The following LEF1 variants were observed in gnomAD, a reference collection of about 807,000 sequenced individuals.
LEF1 encodes the protein lymphoid enhancer binding factor 1, also known as lymphoid enhancer-binding factor 1.
Under a neutral mutation model 51.2 loss-of-function variants are expected in LEF1, and 14 were observed. That is an observed-to-expected ratio of 0.27 (90% CI 0.18 to 0.43). The LOEUF is 0.43. Ranked by LOEUF, LEF1 falls within the 20% of genes least tolerant of loss-of-function variation. The pLI is 1.00. For missense variants in LEF1, 386 were observed against 512.0 expected (o/e 0.75, Z 2.37); for synonymous variants, 185 against 183.2 (o/e 1.01, Z -0.08).
intron 3 of LEF1, among the ~76,000 whole-genome samples, chr4:108,107,507 A>T (rs1192861956): frequency 1.3e-5 from 2 of 150,826 alleles, no homozygotes; most frequent in Non-Finnish European, 2.9e-5. Context: ...GGCTTATTTT[A>T]TTTTTTTTAA....
chr4:108,070,579 T>A, intron 9 of LEF1, 84 bp downstream of exon 9: 1 of 862,732 alleles, frequency 1.2e-6, no homozygotes, highest in Non-Finnish European at 1.9e-6. Context: ...CAGCATTATA[T>A]ACACCTAAAA....
At chr4:108,088,113 T>C (rs1165697478) in intron 4 of LEF1, among the ~76,000 whole-genome samples, 1 of 152,222 alleles carries the variant, frequency 6.6e-6, no homozygotes, top group Non-Finnish European at 1.5e-5. Context: ...ATAAGCATTC[T>C]GTTTTAACAA....
At chr4:108,110,761 T>A (rs1741482683) in intron 3 of LEF1, among the ~76,000 whole-genome samples, 1 of 152,148 alleles carries the variant, frequency 6.6e-6, no homozygotes, top group African/African-American at 2.4e-5. Context: ...GAAGATAATA[T>A]CCACCTTACA....
At chr4:108,088,461 G>A (rs941864524) in intron 4 of LEF1, among the ~76,000 whole-genome samples, 1 of 152,308 alleles carries the variant, frequency 6.6e-6, no homozygotes, top group East Asian at 1.9e-4. Context: ...AGAAGGCTTG[G>A]TGCACCAGAG....
At chr4:108,141,100 C>A (rs1186089149) in intron 3 of LEF1, among the ~76,000 whole-genome samples, 1 of 152,196 alleles carries the variant, frequency 6.6e-6, no homozygotes, top group Non-Finnish European at 1.5e-5. Context: ...GTAGTATGTA[C>A]TCCAAATCAG....
At chr4:108,107,629 A>G (rs1485652123) in intron 3 of LEF1, among the ~76,000 whole-genome samples, 3 of 152,092 alleles carry the variant, frequency 2.0e-5, no homozygotes, top group Admixed American at 6.6e-5. Context: ...CTAGCTTTTC[A>G]TAAAGTTTCT....
chr4:108,054,263 G>A (rs914449143), intron 11 of LEF1, among the ~76,000 whole-genome samples: 11 of 152,340 alleles, frequency 7.2e-5, no homozygotes, highest in Non-Finnish European at 2.9e-5. Context: ...ACCTCATCAG[G>A]TGCGCTGCGG....
At chr4:108,129,371 T>G (rs1742728933) in intron 3 of LEF1, among the ~76,000 whole-genome samples, 1 of 152,226 alleles carries the variant, frequency 6.6e-6, no homozygotes, top group African/African-American at 2.4e-5. Flanking sequence ...CCAAGAGCAC[T>G]GGAATTCCAA....
intron 3 of LEF1, among the ~76,000 whole-genome samples, chr4:108,152,847 G>A (rs1404796024): frequency 6.6e-6 from 1 of 152,176 alleles, no homozygotes; most frequent in Non-Finnish European, 1.5e-5. Context: ...TGCCAGATGA[G>A]GAGACCAAGG....
chr4:108,067,567 T>C (rs1375042893), intron 9 of LEF1, among the ~76,000 whole-genome samples: 1 of 151,514 alleles, frequency 6.6e-6, no homozygotes, highest in African/African-American at 2.4e-5. Flanking sequence ...TTCGCACTTG[T>C]CACCTAGACT....
intron 11 of LEF1, among the ~76,000 whole-genome samples, chr4:108,051,967 A>G (rs1045380500): frequency 1.3e-5 from 2 of 152,154 alleles, no homozygotes; most frequent in African/African-American, 4.8e-5. Flanking sequence ...GGAAAGGGGG[A>G]AACTCCTTCT....
At chr4:108,154,443 CAAA>C (rs10672899) in intron 3 of LEF1, among the ~76,000 whole-genome samples, 2 of 71,990 alleles carry the variant, frequency 2.8e-5, no homozygotes, top group African/African-American at 5.4e-5. Context: ...AAGGTAGTAG[CAAA>C]AAAAAAAAAA....
intron 3 of LEF1, among the ~76,000 whole-genome samples, chr4:108,154,576 G>C (rs1032406122): frequency 9.3e-5 from 14 of 150,570 alleles, no homozygotes; most frequent in Admixed American, 8.6e-4. Flanking sequence ...TTCAAGCAAT[G>C]ATTATTTTCC....
At chr4:108,091,197 T>C (rs1380770) in intron 3 of LEF1, among the ~76,000 whole-genome samples, 8,354 of 152,168 alleles carry the variant, frequency 0.055, 769 homozygotes, top group African/African-American at 0.19. Flanking sequence ...TGTGAACTGC[T>C]TAAAATGTAA....
At chr4:108,129,964 T>C (rs1287188886) in intron 3 of LEF1, among the ~76,000 whole-genome samples, 1 of 152,208 alleles carries the variant, frequency 6.6e-6, no homozygotes, top group Non-Finnish European at 1.5e-5. Context: ...AACATGGTCC[T>C]CTTAAGCTGT....
At chr4:108,099,232 T>A (rs1053243926) in intron 3 of LEF1, among the ~76,000 whole-genome samples, 1 of 152,142 alleles carries the variant, frequency 6.6e-6, no homozygotes, top group Non-Finnish European at 1.5e-5. Context: ...ATTACATATA[T>A]GACTTGCATT....
At chr4:108,061,207 G>T (rs534399240) in intron 11 of LEF1, among the ~76,000 whole-genome samples, 1 of 152,006 alleles carries the variant, frequency 6.6e-6, no homozygotes, top group Non-Finnish European at 1.5e-5. Context: ...GATGGCCTGA[G>T]AATGTTTTAG....
intron 3 of LEF1, among the ~76,000 whole-genome samples, chr4:108,091,315 T>C (rs980022686): frequency 3.3e-5 from 5 of 151,890 alleles, no homozygotes; most frequent in Admixed American, 1.3e-4. Context: ...AAATTAGCCA[T>C]AAAAAATATG....
chr4:108,065,638 T>A (rs1738029132), intron 9 of LEF1, among the ~76,000 whole-genome samples: 1 of 152,180 alleles, frequency 6.6e-6, no homozygotes, highest in African/African-American at 2.4e-5. Flanking sequence ...CCAAGTGACA[T>A]GAAGAACTAT....
Sources: gnomAD v4.1 joint callset for allele counts (sites outside exome capture counted in the v4.1 genomes callset) on GRCh38, gnomAD v4.1.1 for gene constraint, MANE v1.5 for transcripts, NCBI Gene and HGNC (gene_info 2026-07-23, HGNC 2026-07-21) for gene names.